Variants in SPMIP11 observed in about 807,000 individuals in gnomAD.
SPMIP11 encodes sperm microtubule inner protein 11.
At chr12:48,765,533 G>C in the SPMIP11 span, 4 of 699,770 alleles carry the variant, frequency 5.7e-6, no homozygotes. Context: ...CCAGCCTCTT[G>C]GGAGCTATTT....
chr12:48,749,635 CAAAAAAAAAA>C, the SPMIP11 span, among the ~76,000 whole-genome samples: 181 of 56,538 alleles, frequency 3.2e-3, 8 homozygotes, highest in South Asian at 0.14. Context: ...AACTCGGTGT[CAAAAAAAAAA>C]AAAAAAAAAA....
At chr12:48,743,807 C>A in the SPMIP11 span, among the ~76,000 whole-genome samples, 1 of 151,988 alleles carries the variant, frequency 6.6e-6, no homozygotes, top group Non-Finnish European at 1.5e-5. Context: ...TGGCAGGTGC[C>A]TGTAATCCCA....
At chr12:48,741,890 C>T in the SPMIP11 span, among the ~76,000 whole-genome samples, 1 of 152,156 alleles carries the variant, frequency 6.6e-6, no homozygotes, top group African/African-American at 2.4e-5. Flanking sequence ...TCTCCCGCCC[C>T]AGCCTCCCTA....
the SPMIP11 span, among the ~76,000 whole-genome samples, chr12:48,737,117 T>G: frequency 2.0e-5 from 3 of 151,850 alleles, no homozygotes; most frequent in Non-Finnish European, 4.4e-5. Flanking sequence ...GCCTGGCTAA[T>G]TTTTTGTATT....
the SPMIP11 span, among the ~76,000 whole-genome samples, chr12:48,749,261 C>CA: frequency 0.29 from 37,349 of 129,128 alleles, 5,663 homozygotes; most frequent in East Asian, 0.74. Flanking sequence ...GACTCAGTCT[C>CA]AAAAAAAAAA....
the SPMIP11 span, chr12:48,766,508 G>A: frequency 2.0e-5 from 3 of 152,622 alleles, no homozygotes; most frequent in Non-Finnish European, 4.4e-5. Flanking sequence ...CCTACCCCAT[G>A]GCACCAAGTA....
the SPMIP11 span, among the ~76,000 whole-genome samples, chr12:48,741,122 T>A: frequency 1.4e-5 from 2 of 143,536 alleles, no homozygotes; most frequent in Admixed American, 7.2e-5. Context: ...TGCCCAGGCA[T>A]ACAATGGCTC....
At chr12:48,762,647 C>T in the SPMIP11 span, among the ~76,000 whole-genome samples, 3 of 151,944 alleles carry the variant, frequency 2.0e-5, no homozygotes, top group Non-Finnish European at 4.4e-5. Context: ...GAATTACGGG[C>T]GTGAGCCACT....
the SPMIP11 span, among the ~76,000 whole-genome samples, chr12:48,758,062 G>A: frequency 1.3e-5 from 2 of 152,122 alleles, no homozygotes; most frequent in African/African-American, 4.8e-5. Context: ...CGGCACTTCG[G>A]GACGCTGAGG....
chr12:48,766,667 G>A, the SPMIP11 span: 1 of 152,634 alleles, frequency 6.6e-6, no homozygotes, highest in Non-Finnish European at 1.5e-5. Context: ...ATGCCCAAGG[G>A]AGGCATTACC....
the SPMIP11 span, among the ~76,000 whole-genome samples, chr12:48,741,905 G>C: frequency 6.6e-6 from 1 of 152,036 alleles, no homozygotes; most frequent in African/African-American, 2.4e-5. Flanking sequence ...TCCCTAAGTA[G>C]TGGCATTACA....
At chr12:48,747,104 G>A in the SPMIP11 span, among the ~76,000 whole-genome samples, 1 of 152,122 alleles carries the variant, frequency 6.6e-6, no homozygotes, top group African/African-American at 2.4e-5. Flanking sequence ...GTGCCGTAAT[G>A]AGGAGTAACT....
chr12:48,771,252 CT>C, the SPMIP11 span: 1 of 514,292 alleles, frequency 1.9e-6, no homozygotes, highest in Non-Finnish European at 3.5e-6. The surrounding 1 kb of genome is among the most constrained non-coding windows in gnomAD (Gnocchi z 4.3). Context: ...CAATCCTTAC[CT>C]TTTGGGATAC....
the SPMIP11 span, among the ~76,000 whole-genome samples, chr12:48,741,829 C>G: frequency 1.3e-5 from 2 of 151,784 alleles, no homozygotes; most frequent in African/African-American, 2.4e-5. Context: ...CTAGTAGAGG[C>G]AAGGTCTCGC....
chr12:48,764,704 T>C, the SPMIP11 span: 4 of 584,426 alleles, frequency 6.8e-6, no homozygotes, highest in East Asian at 8.6e-5. Context: ...TGAAGCAGGG[T>C]GTGGTGACCA....
chr12:48,771,304 G>C, the SPMIP11 span: 3 of 481,946 alleles, frequency 6.2e-6, no homozygotes, highest in Non-Finnish European at 1.1e-5. The surrounding 1 kb of genome is among the most constrained non-coding windows in gnomAD (Gnocchi z 4.3). Context: ...CCAGAACAGT[G>C]AACAGCCCAT....
At chr12:48,758,841 A>T in the SPMIP11 span, among the ~76,000 whole-genome samples, 1 of 152,196 alleles carries the variant, frequency 6.6e-6, no homozygotes. Context: ...CATGACTTCC[A>T]CTATTAGACC....
chr12:48,750,562 A>G, the SPMIP11 span, among the ~76,000 whole-genome samples: 1 of 152,166 alleles, frequency 6.6e-6, no homozygotes, highest in African/African-American at 2.4e-5. Flanking sequence ...ATGGACCACC[A>G]TGGGGAACAT....
At chr12:48,753,901 C>T in the SPMIP11 span, among the ~76,000 whole-genome samples, 1 of 151,844 alleles carries the variant, frequency 6.6e-6, no homozygotes, top group Non-Finnish European at 1.5e-5. Context: ...CAGGGTTTTG[C>T]CATGTTGGCC....
Sources: gnomAD v4.1 joint callset for allele counts (sites outside exome capture counted in the v4.1 genomes callset) on GRCh38, gnomAD v4.1.1 for gene constraint, Gnocchi (gnomAD v3.1) non-coding constraint, MANE v1.5 for transcripts, NCBI Gene and HGNC (gene_info 2026-07-23, HGNC 2026-07-21) for gene names.